Variants in KLF12 observed in about 807,000 individuals in gnomAD.
KLF12 encodes the protein KLF transcription factor 12, also known as Krueppel-like factor 12.
In KLF12, 9 loss-of-function variants were observed where a neutral mutation model predicts 37.8. The observed-to-expected ratio is 0.24, with a 90% confidence interval of 0.14 to 0.42. The LOEUF (loss-of-function observed/expected upper bound fraction) is 0.42, where lower values mean the gene tolerates loss of function less well. Ranked by LOEUF, KLF12 falls within the 10% of genes least tolerant of loss-of-function variation. The probability of loss-of-function intolerance (pLI) is 1.00; values close to 1 mark genes in which losing one functional copy is unlikely to be tolerated. For synonymous variants in KLF12, 208 were observed against 202.1 expected (o/e 1.03, Z -0.25); for missense variants, 411 against 516.0 (o/e 0.80, Z 1.97).
At chr13:73,903,175 G>A (rs1428191049) in intron 3 of KLF12, among the ~76,000 whole-genome samples, 1 of 152,176 alleles carries the variant, frequency 6.6e-6, no homozygotes, top group Non-Finnish European at 1.5e-5. Context: ...GTGTCTAACT[G>A]ATACATTAAT....
intron 1 of KLF12, among the ~76,000 whole-genome samples, chr13:74,064,228 A>G (rs1455937255): frequency 2.0e-5 from 3 of 152,172 alleles, no homozygotes; most frequent in Non-Finnish European, 4.4e-5. Flanking sequence ...GAAAAACATC[A>G]CAGGGATTCT....
At chr13:74,093,732 T>TATATATA (rs1875812315) in intron 1 of KLF12, among the ~76,000 whole-genome samples, 1 of 150,942 alleles carries the variant, frequency 6.6e-6, no homozygotes, top group African/African-American at 2.4e-5. Context: ...TATATATAAA[T>TATATATA]ATATATAGTG....
intron 4 of KLF12, among the ~76,000 whole-genome samples, chr13:73,839,257 TA>T (rs144760231): frequency 0.24 from 27,550 of 113,498 alleles, 3,305 homozygotes; most frequent in East Asian, 0.5. Flanking sequence ...CATACCTGGT[TA>T]TTTTTTTTTT....
At chr13:73,883,654 A>G (rs1470416038) in intron 3 of KLF12, among the ~76,000 whole-genome samples, 1 of 152,216 alleles carries the variant, frequency 6.6e-6, no homozygotes, top group African/African-American at 2.4e-5. Flanking sequence ...TCCACGGTAA[A>G]GCAAAGATAC....
chr13:74,058,514 C>G (rs1350518446), intron 1 of KLF12, among the ~76,000 whole-genome samples: 1 of 151,764 alleles, frequency 6.6e-6, no homozygotes, highest in African/African-American at 2.4e-5. Context: ...CGCCACCACG[C>G]CCGGCTAATT....
At chr13:74,214,896 G>A in the KLF12 span, among the ~76,000 whole-genome samples, 1 of 152,090 alleles carries the variant, frequency 6.6e-6, no homozygotes, top group Non-Finnish European at 1.5e-5. Flanking sequence ...CCGGGTTCAA[G>A]CGATTCTCCT....
the KLF12 span, among the ~76,000 whole-genome samples, chr13:74,207,415 C>T: frequency 6.6e-6 from 1 of 152,170 alleles, no homozygotes; most frequent in African/African-American, 2.4e-5. Flanking sequence ...GTGGCTCATG[C>T]CTGTAATCCC....
intron 3 of KLF12, among the ~76,000 whole-genome samples, chr13:73,923,546 C>T (rs189565284): frequency 3.9e-5 from 6 of 152,310 alleles, no homozygotes; most frequent in East Asian, 1.9e-4. Flanking sequence ...ACAGGGCAGA[C>T]ATTCTGAGGG....
chr13:73,928,756 C>T (rs556513454), intron 3 of KLF12, among the ~76,000 whole-genome samples: 9 of 152,290 alleles, frequency 5.9e-5, no homozygotes, highest in African/African-American at 1.9e-4. Context: ...AAAAAAGCAA[C>T]GTTAAACGTA....
the KLF12 span, among the ~76,000 whole-genome samples, chr13:74,275,826 C>CT: frequency 9.2e-6 from 1 of 108,150 alleles, no homozygotes; most frequent in Admixed American, 1.0e-4. Context: ...TTCTTTCTTT[C>CT]TTTCTTTCTT....
intron 2 of KLF12, among the ~76,000 whole-genome samples, chr13:73,954,829 G>C (rs1313309118): frequency 6.6e-6 from 1 of 152,048 alleles, no homozygotes. Context: ...TAAATTTTAC[G>C]TATAATCCAA....
chr13:73,935,749 T>A (rs1342835528), intron 3 of KLF12, among the ~76,000 whole-genome samples: 14 of 152,108 alleles, frequency 9.2e-5, no homozygotes, highest in Admixed American at 9.2e-4. Flanking sequence ...CATCTCAACC[T>A]CCGGAGTAGC....
At chr13:74,288,392 C>T in the KLF12 span, among the ~76,000 whole-genome samples, 1 of 152,088 alleles carries the variant, frequency 6.6e-6, no homozygotes, top group Non-Finnish European at 1.5e-5. Context: ...GGCAGACAAG[C>T]GAGGTAACGG....
At chr13:74,170,387 T>C in the KLF12 span, among the ~76,000 whole-genome samples, 20 of 150,324 alleles carry the variant, frequency 1.3e-4, no homozygotes, top group African/African-American at 5.0e-4. Context: ...CTTAACAATC[T>C]TGGGAATTGG....
At chr13:74,293,458 C>G in the KLF12 span, among the ~76,000 whole-genome samples, 1 of 152,108 alleles carries the variant, frequency 6.6e-6, no homozygotes, top group African/African-American at 2.4e-5. Flanking sequence ...ATTCAAGAAT[C>G]CCAGACATTC....
At chr13:74,004,203 T>A (rs189412673) in intron 1 of KLF12, among the ~76,000 whole-genome samples, 4 of 152,168 alleles carry the variant, frequency 2.6e-5, no homozygotes, top group African/African-American at 9.7e-5. Context: ...GCCAACAAAC[T>A]GAATTAAAAT....
chr13:73,863,246 A>T (rs994137014), intron 3 of KLF12, among the ~76,000 whole-genome samples: 6 of 152,160 alleles, frequency 3.9e-5, no homozygotes, highest in Non-Finnish European at 8.8e-5. Context: ...AGTCATGGGG[A>T]TAGTAAAACT....
intron 1 of KLF12, among the ~76,000 whole-genome samples, chr13:74,070,983 A>C (rs900240087): frequency 2.0e-5 from 3 of 152,242 alleles, no homozygotes; most frequent in Non-Finnish European, 4.4e-5. Context: ...CACAACACAA[A>C]TATCAACAAA....
intron 2 of KLF12, among the ~76,000 whole-genome samples, chr13:73,975,395 C>T (rs1199514422): frequency 1.3e-5 from 2 of 152,108 alleles, no homozygotes; most frequent in Non-Finnish European, 2.9e-5. Context: ...TGTTCAACCC[C>T]GCATACACTC....
Sources: allele counts gnomAD v4.1 joint callset (sites outside exome capture counted in the v4.1 genomes callset), GRCh38; gene constraint gnomAD v4.1.1; transcripts MANE v1.5; gene names NCBI Gene and HGNC (gene_info 2026-07-23, HGNC 2026-07-21).